Variants in FGF6 observed in about 807,000 individuals in gnomAD.
FGF6 encodes fibroblast growth factor 6.
A neutral mutation model predicts 18.4 loss-of-function variants in FGF6; 14 were observed. The observed-to-expected ratio is 0.76, with a 90% CI of 0.50 to 1.19. The LOEUF (loss-of-function observed/expected upper bound fraction) is 1.19, where lower values mean the gene tolerates loss of function less well. FGF6 is among the 50% of genes most tolerant of loss of function. The pLI is 0.00. For missense variants in FGF6, 266 were observed against 271.6 expected (o/e 0.98, Z 0.15); for synonymous variants, 125 against 116.7 (o/e 1.07, Z -0.46).
intron 2 of FGF6, among the ~76,000 whole-genome samples, chr12:4,439,040 C>T (rs1338804478): frequency 1.3e-5 from 2 of 152,160 alleles, no homozygotes; most frequent in African/African-American, 2.4e-5. Context: ...GGGGCTGCCT[C>T]TAGGGAGGAA....
chr12:4,440,485 A>C (rs956918989), intron 2 of FGF6, among the ~76,000 whole-genome samples: 1 of 152,228 alleles, frequency 6.6e-6, no homozygotes, highest in Non-Finnish European at 1.5e-5. Flanking sequence ...TGTGGGCAAG[A>C]AGGAAAAATA....
At chr12:4,434,788 A>T (rs190205848) in intron 2 of FGF6, among the ~76,000 whole-genome samples, 1 of 152,332 alleles carries the variant, frequency 6.6e-6, no homozygotes, top group East Asian at 1.9e-4. Flanking sequence ...TGTTTTCTCA[A>T]GTCCACTCTG....
intron 2 of FGF6, among the ~76,000 whole-genome samples, chr12:4,443,868 T>G (rs899993561): frequency 6.6e-6 from 1 of 152,038 alleles, no homozygotes; most frequent in Non-Finnish European, 1.5e-5. Flanking sequence ...GCCCACGGGC[T>G]CCCTGAGCTG....
chr12:4,438,272 T>C (rs1407952736), intron 2 of FGF6, among the ~76,000 whole-genome samples: 1 of 152,156 alleles, frequency 6.6e-6, no homozygotes, highest in African/African-American at 2.4e-5. Flanking sequence ...AAACTAGGAA[T>C]TCTCATTTAA....
At chr12:4,438,997 G>A (rs913010972) in intron 2 of FGF6, among the ~76,000 whole-genome samples, 10 of 152,130 alleles carry the variant, frequency 6.6e-5, no homozygotes, top group Non-Finnish European at 2.9e-5. Flanking sequence ...AGCTATTTCT[G>A]GAACGATATA....
Position 4,445,630 on chromosome 12 carries a change from GT to G in FGF6, c.-61del. The stretch of plus-strand genomic sequence containing the variant: ...TGGCCCTAAAAATACCGCCCTTCTT[GT>G]TTTTCTCCCTCCGGCATGGCGGCAG... On this transcript the variant is annotated 5_prime_UTR_variant, in exon 1 of 3. It introduces an in-frame stop codon into an upstream open reading frame of the 5' UTR. Coordinates refer to ENST00000228837, the MANE Select transcript of FGF6 (RefSeq NM_020996.3). The surrounding 1 kb of genome is among the most constrained non-coding windows in gnomAD (Gnocchi z 5.5). 1 of 1,363,460 alleles carries G rather than the reference GT, an allele frequency of 7.3e-7. No individual in the cohort carries two copies. Among genetic ancestry groups the G allele is most frequent in the South Asian group, 1.4e-5 (1 of 71,120 alleles). 84.5% of individuals were successfully genotyped at this position (1,363,460 alleles called of 1,614,324 possible). A position where few individuals can be genotyped will look rare whatever the true frequency, so the allele number is the denominator to read the frequency against.
rs778673100 is a variant in FGF6 at position 4,445,522 on chromosome 12, G to A, written c.49C>T (p.Arg17Cys). ...LFITMSRGAG[R>C]LQGTLWALVF... ...AGAGCCCACAGCGTGCCCTGCAGAC[G>A]TCCTGCTCCCCGGGACATAGTGATG... Residue 17 changes from arginine (R) to cysteine (C), a missense_variant, in exon 1 of 3, where the codon CGT becomes TGT. Physicochemically the swap from Arg to Cys is radical, Grantham distance 180. Coordinates refer to ENST00000228837, the MANE Select transcript of FGF6 (RefSeq NM_020996.3). The surrounding 1 kb of genome is among the most constrained non-coding windows in gnomAD (Gnocchi z 5.5). The A allele has an allele frequency of 1.9e-5, 31 of 1,611,476 alleles. No individual in the cohort carries two copies. The highest frequency in any genetic ancestry group is 1.6e-4 in the Middle Eastern group (1 of 6,080).
intron 2 of FGF6, among the ~76,000 whole-genome samples, chr12:4,438,073 A>G (rs1232802776): frequency 6.6e-6 from 1 of 152,188 alleles, no homozygotes; most frequent in Non-Finnish European, 1.5e-5. Flanking sequence ...AGAACCCTAA[A>G]CTCACTGGAG....
chr12:4,445,154 G>A lies in FGF6; in HGVS notation c.346+71C>T, dbSNP rs1865742403. The A allele has an allele frequency of 2.3e-6, 3 of 1,285,676 alleles. No individual in the cohort carries two copies. Among genetic ancestry groups the A allele is most frequent in the African/African-American group, 2.9e-5 (2 of 68,128 alleles). The allele number at this position is 1,285,676 out of a possible 1,614,324, so 79.6% of individuals were successfully genotyped here. On this transcript the variant is annotated intron_variant, in intron 1 of 2. Coordinates refer to ENST00000228837, the MANE Select transcript of FGF6 (RefSeq NM_020996.3). The surrounding 1 kb of genome is among the most constrained non-coding windows in gnomAD (Gnocchi z 5.5). ...CGTGCATCCTGTCCGCTAGAGCAGG[G>A]CCCCTTCACCTTTTAGCCCTGCATG... is the stretch of plus-strand genomic sequence containing the variant.
Position 4,434,288 on chromosome 12 carries a change from T to A in FGF6, c.554A>T (p.Lys185Ile). The A allele has an allele frequency of 3.7e-6, 6 of 1,614,206 alleles. No individual in the cohort carries two copies. Among genetic ancestry groups the A allele is most frequent in the Non-Finnish European group, 5.1e-6 (6 of 1,180,042 alleles). ...GCTGCCCCGCTTTACCCGTCCGTAT[T>A]TGCTCAGGGCAATGTAGGTCCCTTG... ...LYQGTYIALS[K>I]YGRVKRGSKV... The change falls in exon 3 of 3, where the codon AAA becomes ATA. Residue 185 changes from lysine to isoleucine, a missense_variant. Physicochemically the swap from Lys to Ile is moderately radical, Grantham distance 102. Coordinates refer to ENST00000228837, the MANE Select transcript of FGF6 (RefSeq NM_020996.3).
chr12:4,434,711 A>G (rs1283327805), intron 2 of FGF6, among the ~76,000 whole-genome samples: 2 of 152,290 alleles, frequency 1.3e-5, no homozygotes, highest in African/African-American at 4.8e-5. Flanking sequence ...CTTCCAGAGT[A>G]GTTTCTACTA....
intron 2 of FGF6, among the ~76,000 whole-genome samples, chr12:4,437,967 G>A (rs1243662858): frequency 1.3e-5 from 2 of 151,818 alleles, no homozygotes; most frequent in Admixed American, 1.3e-4. Context: ...TCTTCTACTT[G>A]AAAAATATTA....
At chr12:4,436,661 G>C (rs1865632077) in intron 2 of FGF6, among the ~76,000 whole-genome samples, 1 of 152,050 alleles carries the variant, frequency 6.6e-6, no homozygotes, top group African/African-American at 2.4e-5. Flanking sequence ...GAAACATAAG[G>C]AGACCCCTGC....
chr12:4,437,427 A>G (rs1195127803), intron 2 of FGF6, among the ~76,000 whole-genome samples: 1 of 152,186 alleles, frequency 6.6e-6, no homozygotes, highest in Non-Finnish European at 1.5e-5. Flanking sequence ...GGAAGGGCAG[A>G]GGCTGACGCT....
intron 2 of FGF6, among the ~76,000 whole-genome samples, chr12:4,434,605 C>T (rs578079127): frequency 3.3e-5 from 5 of 152,190 alleles, no homozygotes; most frequent in South Asian, 4.2e-4. Flanking sequence ...CTCTCACCTT[C>T]CCTCCTTTAC....
intron 2 of FGF6, among the ~76,000 whole-genome samples, chr12:4,438,287 C>G (rs1195618970): frequency 6.6e-6 from 1 of 152,114 alleles, no homozygotes; most frequent in East Asian, 1.9e-4. Context: ...ATTTAATGTC[C>G]TCTGATGTGT....
At chr12:4,439,908 A>AGG (rs1246543556) in intron 2 of FGF6, among the ~76,000 whole-genome samples, 1 of 152,204 alleles carries the variant, frequency 6.6e-6, no homozygotes, top group African/African-American at 2.4e-5. Context: ...TGTGGCATGA[A>AGG]GGAGAGATAG....
rs1415991807 is a variant in FGF6 at position 4,445,379 on chromosome 12, C to T, written c.192G>A (p.Gly64=). The T allele has an allele frequency of 1.2e-6, 2 of 1,613,922 alleles. No individual in the cohort carries two copies. Among genetic ancestry groups the T allele is most frequent in the Non-Finnish European group, 1.7e-6 (2 of 1,180,026 alleles). ...TCACCCCGGCAATCTCTCCAGCTAG[C>T]CCGGCGCGAGACCTGGACAGCAGGG... is the stretch of plus-strand genomic sequence containing the variant. ...WGTLLSRSRA[G]LAGEIAGVNW... The change falls in exon 1 of 3, where the codon GGG becomes GGA. Residue 64 remains glycine (G), a synonymous_variant. Transcript: ENST00000228837. This position sits in a 1 kb window ranked among gnomAD's most constrained non-coding sequence, Gnocchi z 5.5.
At chr12:4,442,560 G>A (rs1232360401) in intron 2 of FGF6, among the ~76,000 whole-genome samples, 4 of 151,710 alleles carry the variant, frequency 2.6e-5, no homozygotes, top group Admixed American at 6.5e-5. Context: ...TTGCTAAAAC[G>A]TCCCTTGCTT....
Sources: gnomAD v4.1 joint callset for allele counts (sites outside exome capture counted in the v4.1 genomes callset) on GRCh38, gnomAD v4.1.1 for gene constraint, Gnocchi (gnomAD v3.1) non-coding constraint, MANE v1.5 for transcripts, NCBI Gene and HGNC (gene_info 2026-07-23, HGNC 2026-07-21) for gene names.